Variants in EIF5B observed in about 807,000 individuals in gnomAD.
The protein encoded by EIF5B is eIF-5B.
Under a neutral mutation model 147.5 loss-of-function variants are expected in EIF5B, and 47 were observed. The observed-to-expected ratio is 0.32, with a 90% CI of 0.25 to 0.41. EIF5B has a LOEUF of 0.41. Among genes scored for constraint, EIF5B ranks in the 10% least tolerant of loss-of-function variants. EIF5B has a pLI of 1.00. For missense variants in EIF5B, 1,064 were observed against 1,413.2 expected, an observed-to-expected ratio of 0.75 and a Z score of 3.96; for synonymous variants, 455 against 456.2, an observed-to-expected ratio of 1.00 and a Z score of 0.03.
intron 4 of EIF5B, 85 bp downstream of exon 4, chr2:99,361,905 T>C: frequency 1.5e-6 from 2 of 1,307,564 alleles, no homozygotes; most frequent in Non-Finnish European, 2.0e-6. Flanking sequence ...GTCGTTTTGT[T>C]ATTTGTCCAT....
chr2:99,357,494 A>G (rs1439236173), intron 1 of EIF5B, among the ~76,000 whole-genome samples: 1 of 152,260 alleles, frequency 6.6e-6, no homozygotes, highest in African/African-American at 2.4e-5. Flanking sequence ...GAATATAAGC[A>G]TATTAAAAAA....
intron 1 of EIF5B, among the ~76,000 whole-genome samples, chr2:99,345,305 T>C (rs12987629): frequency 1.3e-5 from 2 of 152,088 alleles, no homozygotes; most frequent in African/African-American, 4.8e-5. Flanking sequence ...ATGTCTAACA[T>C]GCGACCGGGC....
intron 17 of EIF5B, among the ~76,000 whole-genome samples, chr2:99,392,685 T>G (rs2104251456): frequency 6.6e-6 from 1 of 152,366 alleles, no homozygotes; most frequent in East Asian, 1.9e-4. Flanking sequence ...TTCTGCATTA[T>G]CTTTCTTACA....
At position 99,337,518 on chromosome 2, in the gene EIF5B, A is replaced by AT; in HGVS notation, c.-36dup. On this transcript the variant is annotated 5_prime_UTR_variant, in exon 1 of 24. Coordinates refer to ENST00000289371, the MANE Select transcript of EIF5B (RefSeq NM_015904.4). ...AGACAGTGGGTCTGTGAGAGACCGA[A>AT]TAGAGGGGCTGGGGCCACGAGCGCC... The AT allele has an allele frequency of 6.2e-7, 1 of 1,607,888 alleles. No individual in the cohort carries two copies. The highest frequency in any genetic ancestry group is 1.1e-5 in the South Asian group (1 of 90,158).
At chr2:99,386,741 T>TA (rs1338725298) in intron 14 of EIF5B, among the ~76,000 whole-genome samples, 1 of 152,024 alleles carries the variant, frequency 6.6e-6, no homozygotes, top group Non-Finnish European at 1.5e-5. Flanking sequence ...GTGTGTGTTT[T>TA]AGTAAAGATG....
At chr2:99,387,633 G>A (rs1674840962) in intron 14 of EIF5B, among the ~76,000 whole-genome samples, 1 of 151,942 alleles carries the variant, frequency 6.6e-6, no homozygotes, top group Non-Finnish European at 1.5e-5. Flanking sequence ...GCTATTTTAG[G>A]TCCTTGGATT....
At chr2:99,367,656 T>C (rs1166119081) in intron 6 of EIF5B, among the ~76,000 whole-genome samples, 1 of 152,088 alleles carries the variant, frequency 6.6e-6, no homozygotes, top group African/African-American at 2.4e-5. Context: ...GGTTTCACCA[T>C]GTTGGCCAGG....
chr2:99,368,485 T>C lies in EIF5B; in HGVS notation c.1289-8T>C. 6.2e-7 allele frequency: 1 copy of C among 1,609,028 alleles called. No individual in the cohort carries two copies. The highest frequency in any genetic ancestry group is 8.5e-7 in the Non-Finnish European group (1 of 1,175,988). Reference sequence around the variant, plus strand: ...ATAAGCCTGAAGTTTTTCATTTTTATCCCTCAGGTGTTGAAGTGCCATCAA... The same window carrying C: ...ATAAGCCTGAAGTTTTTCATTTTTACCCCTCAGGTGTTGAAGTGCCATCAA... On this transcript the variant is annotated splice_polypyrimidine_tract_variant and splice_region_variant and intron_variant, in intron 6 of 23. Coordinates refer to ENST00000289371, the MANE Select transcript of EIF5B (RefSeq NM_015904.4).
Position 99,360,577 on chromosome 2 carries a change from C to A in EIF5B, c.246+28C>A, listed in dbSNP as rs368721938. 2.5e-6 allele frequency: 4 copies of A among 1,591,186 alleles called. No individual in the cohort carries two copies. In the African/African-American group the frequency reaches 5.4e-5, roughly 22 times the overall value. ...GAAAGACAGACCTTTGTTACCTATTCGTATTTCGTATTCTATTCTTTCTTC... is the reference window on the plus strand; with the variant it reads ...GAAAGACAGACCTTTGTTACCTATTAGTATTTCGTATTCTATTCTTTCTTC... On this transcript the variant is annotated intron_variant, in intron 3 of 23. Coordinates refer to ENST00000289371, the MANE Select transcript of EIF5B (RefSeq NM_015904.4).
At chr2:99,396,328 A>G (rs1675046807) in intron 21 of EIF5B, among the ~76,000 whole-genome samples, 1 of 152,178 alleles carries the variant, frequency 6.6e-6, no homozygotes, top group African/African-American at 2.4e-5. Flanking sequence ...AAGGAGGGTG[A>G]TAATACGGTC....
At chr2:99,347,758 A>G (rs1360332305) in intron 1 of EIF5B, among the ~76,000 whole-genome samples, 1 of 152,114 alleles carries the variant, frequency 6.6e-6, no homozygotes, top group African/African-American at 2.4e-5. Flanking sequence ...TTCTCTTGAC[A>G]AAAAGGTTTA....
chr2:99,373,987 A>C (rs187790199), intron 9 of EIF5B, among the ~76,000 whole-genome samples: 12 of 152,238 alleles, frequency 7.9e-5, no homozygotes, highest in Admixed American at 7.8e-4. Context: ...CCAATACTCT[A>C]TTTAGATATC....
intron 1 of EIF5B, among the ~76,000 whole-genome samples, chr2:99,355,752 A>G (rs1674084287): frequency 6.6e-6 from 1 of 151,300 alleles, no homozygotes; most frequent in Non-Finnish European, 1.5e-5. Context: ...AGCTGGGATT[A>G]CAGGCATGTG....
chr2:99,371,736 T>C lies in EIF5B; in HGVS notation c.1552+6T>C, dbSNP rs752297246. 1.9e-6 allele frequency: 3 copies of C among 1,607,062 alleles called. No homozygotes were observed. The African/African-American group carries it at 4.0e-5, about 21-fold the overall frequency. On this transcript the variant is annotated splice_donor_region_variant and intron_variant, in intron 9 of 23. Transcript: ENST00000289371. Reference sequence around the variant, plus strand: ...TGATGAGGAGACAGAAAAAGGTGAATACCTCATAAGCACACACTGATACAT... The same window carrying C: ...TGATGAGGAGACAGAAAAAGGTGAACACCTCATAAGCACACACTGATACAT...
At chr2:99,389,412 G>A (rs569553761) in intron 14 of EIF5B, among the ~76,000 whole-genome samples, 5 of 152,068 alleles carry the variant, frequency 3.3e-5, no homozygotes, top group African/African-American at 1.2e-4. Context: ...AAACTGTTTC[G>A]GAATTCCAAC....
chr2:99,377,036 T>A (rs1674581580), intron 10 of EIF5B, among the ~76,000 whole-genome samples: 1 of 152,188 alleles, frequency 6.6e-6, no homozygotes, highest in African/African-American at 2.4e-5. Flanking sequence ...TCTGGTGGGT[T>A]GATGAGGCTT....
chr2:99,399,439 G>A lies in EIF5B; in HGVS notation c.*25G>A. On this transcript the variant is annotated 3_prime_UTR_variant, in exon 24 of 24. Coordinates refer to ENST00000289371, the MANE Select transcript of EIF5B (RefSeq NM_015904.4). ...ATTTTTTCACATGGAGCAGGAACTG[G>A]AGTAAATGCAATACTGTGTTGTAAT... 6.2e-7 allele frequency: 1 copy of A among 1,600,286 alleles called. No individual in the cohort carries two copies. The highest frequency in any genetic ancestry group is 8.6e-7 in the Non-Finnish European group (1 of 1,168,108).
chr2:99,368,154 T>C (rs539988662), intron 6 of EIF5B, among the ~76,000 whole-genome samples: 1 of 152,276 alleles, frequency 6.6e-6, no homozygotes, highest in East Asian at 1.9e-4. Context: ...AGCAAATCTT[T>C]TGGTTGGAGA....
intron 14 of EIF5B, among the ~76,000 whole-genome samples, chr2:99,389,429 C>T (rs1453537633): frequency 6.6e-6 from 1 of 152,134 alleles, no homozygotes; most frequent in African/African-American, 2.4e-5. Flanking sequence ...CAACAATATA[C>T]ATTAATAGTC....
Sources: gnomAD v4.1 joint callset for allele counts (sites outside exome capture counted in the v4.1 genomes callset) on GRCh38, gnomAD v4.1.1 for gene constraint, MANE v1.5 for transcripts, NCBI Gene and HGNC (gene_info 2026-07-23, HGNC 2026-07-21) for gene names.